Variants in GNAI2 observed in about 807,000 individuals in gnomAD.
The protein encoded by GNAI2 is guanine nucleotide-binding protein G(i) subunit alpha-2.
A neutral mutation model predicts 36.8 loss-of-function variants in GNAI2; 4 were observed. That is an observed-to-expected ratio of 0.11 (90% confidence interval 0.05 to 0.25). The LOEUF (loss-of-function observed/expected upper bound fraction) is 0.25, where lower values mean the gene tolerates loss of function less well. GNAI2 is among the 10% of genes least tolerant of loss of function. The probability of loss-of-function intolerance (pLI) is 1.00; values close to 1 mark genes in which losing one functional copy is unlikely to be tolerated. For missense variants in GNAI2, 230 were observed against 481.3 expected, an observed-to-expected ratio of 0.48 and a Z score of 4.89; for synonymous variants, 194 against 194.1, an observed-to-expected ratio of 1.00 and a Z score of 0.01.
rs1700245068 is a variant in GNAI2 at position 50,238,973 on chromosome 3, T to C, written c.118+2520T>C. ...CCCTGCCAGCAGGCAGGCACAGTCCTTGTCACCAGGGCAGAGGCTGATGTG... is the reference window on the plus strand; with the variant it reads ...CCCTGCCAGCAGGCAGGCACAGTCCCTGTCACCAGGGCAGAGGCTGATGTG... On this transcript the variant is annotated intron_variant, in intron 1 of 8. Transcript: ENST00000313601. This position sits in a 1 kb window ranked among gnomAD's most constrained non-coding sequence, Gnocchi z 5.0. Among the ~76,000 whole-genome samples, 1 of 152,200 alleles carries C rather than the reference T, an allele frequency of 6.6e-6. No homozygotes were observed. Among genetic ancestry groups the C allele is most frequent in the Non-Finnish European group, 1.5e-5 (1 of 68,026 alleles).
At chr3:50,236,153 C>CCCCGG, upstream of GNAI2, 26 of 1,158,814 alleles carry the variant, frequency 2.2e-5, no homozygotes, top group Non-Finnish European at 2.7e-5. This position sits in a 1 kb window ranked among gnomAD's most constrained non-coding sequence, Gnocchi z 4.0. Context: ...CAGGCCCCAC[C>CCCCGG]CCCGGCCCGC....
rs1193865474 is a variant in GNAI2 at position 50,236,915 on chromosome 3, C to T, written c.118+462C>T. ...CCCCTGCCAGGCCCCCCACCCACTC[C>T]CTCCTTCTCCTTCTGTGCCCCATCC... On this transcript the variant is annotated intron_variant, in intron 1 of 8. Transcript: ENST00000313601. The surrounding 1 kb of genome is among the most constrained non-coding windows in gnomAD (Gnocchi z 4.0). 6.6e-6 allele frequency among the ~76,000 whole-genome samples: 1 copy of T among 152,146 alleles called. No homozygotes were observed. Among genetic ancestry groups the T allele is most frequent in the Admixed American group, 6.5e-5 (1 of 15,274 alleles).
chr3:50,247,974 C>T (rs1575447882), intron 1 of GNAI2, among the ~76,000 whole-genome samples: 1 of 152,252 alleles, frequency 6.6e-6, no homozygotes, highest in African/African-American at 2.4e-5. Context: ...GTGGCTCACG[C>T]CTGTAATCCC....
At chr3:50,232,261 C>T (rs1700080324), upstream of GNAI2, among the ~76,000 whole-genome samples, 1 of 152,060 alleles carries the variant, frequency 6.6e-6, no homozygotes, top group African/African-American at 2.4e-5. Flanking sequence ...ACCCAGGAGG[C>T]GGAGGTTGCA....
At chr3:50,249,111 C>T (rs1553702081) in intron 1 of GNAI2, among the ~76,000 whole-genome samples, 1 of 152,174 alleles carries the variant, frequency 6.6e-6, no homozygotes, top group Admixed American at 6.5e-5. Flanking sequence ...GGGAAGCTTT[C>T]ACCCTAGACC....
chr3:50,257,177 C>A, intron 7 of GNAI2, 87 bp downstream of exon 7: 2 of 1,157,254 alleles, frequency 1.7e-6, no homozygotes, highest in East Asian at 2.4e-5. Context: ...CAGGCGCCCC[C>A]CACTGGACAG....
At chr3:50,251,798 C>A in intron 1 of GNAI2, 1 of 1,308,682 alleles carries the variant, frequency 7.6e-7, no homozygotes, top group South Asian at 1.4e-5. Flanking sequence ...CTGGCCAAGT[C>A]TCCAGCCAAG....
At chr3:50,256,367 C>G in intron 5 of GNAI2, 47 bp downstream of exon 5, 3 of 1,591,150 alleles carry the variant, frequency 1.9e-6, no homozygotes, top group South Asian at 1.1e-5. Flanking sequence ...CTGCCAGCCT[C>G]TGGGGTAGCA....
intron 1 of GNAI2, chr3:50,246,954 G>T: frequency 6.6e-7 from 1 of 1,504,868 alleles, no homozygotes; most frequent in South Asian, 1.3e-5. Context: ...CCACAGCTCT[G>T]AATCAGCCTG....
intron 1 of GNAI2, chr3:50,251,776 G>T: frequency 2.3e-6 from 3 of 1,309,878 alleles, no homozygotes; most frequent in Non-Finnish European, 3.0e-6. Context: ...GAACAGGGTG[G>T]CTCCTTCATG....
At chr3:50,248,389 C>T (rs1178313368) in intron 1 of GNAI2, among the ~76,000 whole-genome samples, 2 of 152,174 alleles carry the variant, frequency 1.3e-5, no homozygotes, top group Admixed American at 6.5e-5. Context: ...GAAAGAGGAC[C>T]CAGCCAGAGA....
chr3:50,240,855 G>T (rs1700282087), intron 1 of GNAI2, among the ~76,000 whole-genome samples: 1 of 150,674 alleles, frequency 6.6e-6, no homozygotes, highest in African/African-American at 2.4e-5. Flanking sequence ...GGAAGTGAAG[G>T]TTACAGTGGA....
chr3:50,251,710 C>T (rs2109209176), intron 1 of GNAI2: 2 of 1,341,574 alleles, frequency 1.5e-6, no homozygotes, highest in Non-Finnish European at 2.0e-6. Context: ...CAGCTCTGCC[C>T]AGGGCACCAT....
chr3:50,227,440 G>T (rs890199969), upstream of GNAI2: 32 of 341,924 alleles, frequency 9.4e-5, no homozygotes, highest in Non-Finnish European at 1.5e-4. The surrounding 1 kb of genome is among the most constrained non-coding windows in gnomAD (Gnocchi z 5.9). Context: ...CGAGGCGGGG[G>T]CTGGGGCGCG....
At chr3:50,244,292 G>T (rs1375633599) in intron 1 of GNAI2, among the ~76,000 whole-genome samples, 4 of 152,192 alleles carry the variant, frequency 2.6e-5, no homozygotes, top group Non-Finnish European at 5.9e-5. Flanking sequence ...GCCTCCCAGA[G>T]TGCTGGGATT....
Position 50,257,669 on chromosome 3 carries a change from G to C in GNAI2, c.1047G>C (p.Leu349=), listed in dbSNP as rs782021100. The C allele has an allele frequency of 1.3e-6, 2 of 1,588,096 alleles. No homozygotes were observed. Among genetic ancestry groups the C allele is most frequent in the Non-Finnish European group, 1.7e-6 (2 of 1,165,066 alleles). Residue 349 remains leucine (L), a synonymous_variant, in exon 8 of 9, where the codon CTG becomes CTC. Transcript: ENST00000313601. ...AVTDVIIKNN[L]KDCGLF is the part of the protein sequence containing the mutation. ...CCGATGTCATCATCAAGAACAACCT[G>C]AAGGACTGCGGCCTCTTCTGAGGGG...
At chr3:50,231,208 G>A (rs1553699764), upstream of GNAI2, among the ~76,000 whole-genome samples, 1 of 152,126 alleles carries the variant, frequency 6.6e-6, no homozygotes, top group Admixed American at 6.6e-5. Flanking sequence ...TCTTTTCTCT[G>A]CGTATACAAC....
chr3:50,257,485 T>C lies in GNAI2; in HGVS notation c.878-15T>C, dbSNP rs1467514483. On this transcript the variant is annotated splice_polypyrimidine_tract_variant and intron_variant, in intron 7 of 8. Transcript: ENST00000313601. ...GCCACACATGCAGCACAAGTCTTCA[T>C]TTTCTCTCCCCCAGGGGCCAACAAA... 1.1e-5 allele frequency: 17 copies of C among 1,533,978 alleles called. No homozygotes were observed. Among genetic ancestry groups the C allele is most frequent in the Non-Finnish European group, 1.5e-5 (17 of 1,134,652 alleles).
At position 50,254,132 on chromosome 3, in the gene GNAI2, C is replaced by T. The variant is rs147815709; in HGVS notation, c.464+948C>T. Among the ~76,000 whole-genome samples, 324 of 152,232 alleles carry T rather than the reference C, an allele frequency of 2.1e-3. 1 individual carries two copies. The highest frequency in any genetic ancestry group is 7.6e-3 in the African/African-American group (314 of 41,528). On this transcript the variant is annotated intron_variant, in intron 4 of 8. Transcript: ENST00000313601. ...CAAGGGGTCCCAGGAATCCCAGAGGCATGACAAGCCTGCACCCTTTCCACA... is the reference window on the plus strand; with the variant it reads ...CAAGGGGTCCCAGGAATCCCAGAGGTATGACAAGCCTGCACCCTTTCCACA...
Sources: allele counts gnomAD v4.1 joint callset (sites outside exome capture counted in the v4.1 genomes callset), GRCh38; gene constraint gnomAD v4.1.1; non-coding constraint Gnocchi (gnomAD v3.1); transcripts MANE v1.5; gene names NCBI Gene and HGNC (gene_info 2026-07-23, HGNC 2026-07-21).